MYO5C: variants seen among roughly 807,000 people sequenced by gnomAD.
The protein encoded by MYO5C is unconventional myosin-Vc.
Under a neutral mutation model 235.7 loss-of-function variants are expected in MYO5C, and 194 were observed. The ratio of observed to expected loss-of-function variants is 0.82; its 90% CI spans 0.73 to 0.93. The LOEUF is 0.93. Among genes scored for constraint, MYO5C ranks in the 40% least tolerant of loss-of-function variants. MYO5C has a pLI of 0.00. For synonymous variants in MYO5C, 707 were observed against 754.8 expected, an observed-to-expected ratio of 0.94 and a Z score of 1.04; for missense variants, 2,038 against 2,127.2, an observed-to-expected ratio of 0.96 and a Z score of 0.82.
intron 21 of MYO5C, among the ~76,000 whole-genome samples, chr15:52,237,990 G>A (rs1352548823): frequency 2.6e-5 from 4 of 152,068 alleles, no homozygotes; most frequent in African/African-American, 4.8e-5. Flanking sequence ...TGAAGACAGG[G>A]TCTTTAGAGA....
chr15:52,271,532 T>C (rs2036925841), intron 7 of MYO5C, among the ~76,000 whole-genome samples: 1 of 152,044 alleles, frequency 6.6e-6, no homozygotes, highest in East Asian at 1.9e-4. Context: ...CCAGGCCCAA[T>C]GAGCTTTAAA....
At chr15:52,245,917 C>T (rs1381083624) in intron 17 of MYO5C, 39 bp downstream of exon 17, 44 of 1,560,790 alleles carry the variant, frequency 2.8e-5, no homozygotes, top group Non-Finnish European at 3.7e-5. Flanking sequence ...GCTCTGATGT[C>T]AGGTACTTTT....
At chr15:52,208,520 A>T (rs759296898) in intron 36 of MYO5C, 34 bp downstream of exon 36, 1 of 1,599,476 alleles carries the variant, frequency 6.3e-7, no homozygotes, top group South Asian at 1.1e-5. Context: ...ACTGGCTGTC[A>T]GCACAAAACA....
rs568537062 is a variant in MYO5C at position 52,198,213 on chromosome 15, T to C, written c.4821-1730A>G. 2.0e-5 allele frequency among the ~76,000 whole-genome samples: 3 copies of C among 152,212 alleles called. No homozygotes were observed. In the East Asian group the frequency reaches 5.9e-4, roughly 30 times the overall value. On this transcript the variant is annotated intron_variant, in intron 38 of 40. Coordinates refer to ENST00000261839, the MANE Select transcript of MYO5C (RefSeq NM_018728.4). ...AGCTGGGTATGGTGGCGGACGCCTATAATCCCAGCTACTCGGGAGGCTGAG... is the reference window on the plus strand; with the variant it reads ...AGCTGGGTATGGTGGCGGACGCCTACAATCCCAGCTACTCGGGAGGCTGAG...
chr15:52,215,984 C>T (rs2035542626), intron 32 of MYO5C, among the ~76,000 whole-genome samples: 1 of 152,066 alleles, frequency 6.6e-6, no homozygotes, highest in African/African-American at 2.4e-5. Flanking sequence ...AAGATGATCA[C>T]TCTGAACAAA....
chr15:52,277,879 A>T (rs1322602681), intron 4 of MYO5C: 2 of 455,850 alleles, frequency 4.4e-6, no homozygotes, highest in Admixed American at 2.4e-5. Flanking sequence ...CATTATAAGC[A>T]TCAGAACCAG....
chr15:52,263,201 G>A (rs1199985125), intron 9 of MYO5C, among the ~76,000 whole-genome samples: 1 of 152,140 alleles, frequency 6.6e-6, no homozygotes, highest in East Asian at 1.9e-4. Context: ...GGACAGACAT[G>A]TTATTGTTAA....
chr15:52,199,266 A>G (rs1383823815), intron 38 of MYO5C, among the ~76,000 whole-genome samples: 1 of 152,084 alleles, frequency 6.6e-6, no homozygotes, highest in Non-Finnish European at 1.5e-5. Flanking sequence ...CTATTCAAAT[A>G]CTGCCACAGT....
intron 20 of MYO5C, among the ~76,000 whole-genome samples, chr15:52,240,932 C>T (rs868714759): frequency 6.6e-6 from 1 of 152,218 alleles, no homozygotes; most frequent in Non-Finnish European, 1.5e-5. Context: ...TTCCCATCCA[C>T]TCACAGGATG....
At chr15:52,269,688 G>C in intron 8 of MYO5C, 65 bp downstream of exon 8, 1 of 1,082,656 alleles carries the variant, frequency 9.2e-7, no homozygotes, top group Non-Finnish European at 1.4e-6. Flanking sequence ...ACCACGCCTG[G>C]CCTTAATTTT....
chr15:52,230,969 A>G (rs547902815), intron 24 of MYO5C, among the ~76,000 whole-genome samples: 1 of 151,878 alleles, frequency 6.6e-6, no homozygotes, highest in South Asian at 2.1e-4. Flanking sequence ...CTGGGATTAC[A>G]GGCATCTGCC....
intron 7 of MYO5C, among the ~76,000 whole-genome samples, chr15:52,270,279 C>T (rs1171774261): frequency 1.3e-5 from 2 of 152,032 alleles, no homozygotes; most frequent in Admixed American, 6.6e-5. Flanking sequence ...CTCAAAAAAA[C>T]AAAAACAAAA....
chr15:52,292,313 C>G (rs767651443), intron 1 of MYO5C, among the ~76,000 whole-genome samples: 1 of 152,094 alleles, frequency 6.6e-6, no homozygotes. Context: ...CCACTGTGTG[C>G]GGGGAAAAGG....
At chr15:52,252,268 A>T (rs2036487557) in intron 12 of MYO5C, among the ~76,000 whole-genome samples, 1 of 152,082 alleles carries the variant, frequency 6.6e-6, no homozygotes, top group Non-Finnish European at 1.5e-5. Flanking sequence ...CACGAACATG[A>T]CCTTTATTCA....
At chr15:52,270,304 A>G (rs772109365) in intron 7 of MYO5C, among the ~76,000 whole-genome samples, 14 of 152,108 alleles carry the variant, frequency 9.2e-5, no homozygotes, top group Non-Finnish European at 1.8e-4. Flanking sequence ...AACAAAAAAA[A>G]TCCTACATAA....
Position 52,213,270 on chromosome 15 carries a change from C to T in MYO5C, c.4059G>A (p.Ser1353=), listed in dbSNP as rs75728881. 12,445 of 1,613,594 alleles carry T rather than the reference C, an allele frequency of 7.7e-3. 55 individuals carry two copies. The highest frequency in any genetic ancestry group is 8.6e-3 in the Non-Finnish European group (10,161 of 1,179,598). The change falls in exon 34 of 41, where the codon TCG becomes TCA. Residue 1353 remains serine (S), a synonymous_variant. Coordinates refer to ENST00000261839, the MANE Select transcript of MYO5C (RefSeq NM_018728.4). The part of the protein sequence containing the change: ...KTIGKANDVH[S]SSGPKEYLGM... ...CAAGGTACTCCTTGGGTCCTGAGGA[C>T]GAGTGCACATCATTGGCTGTAGACA... is the stretch of plus-strand genomic sequence containing the variant.
At chr15:52,239,236 C>A (rs546071180) in intron 21 of MYO5C, among the ~76,000 whole-genome samples, 1 of 152,194 alleles carries the variant, frequency 6.6e-6, no homozygotes, top group East Asian at 1.9e-4. Context: ...CAGGTGTCAG[C>A]CACCACGCCC....
At chr15:52,242,675 G>T (rs1300479623) in intron 19 of MYO5C, 2 of 153,250 alleles carry the variant, frequency 1.3e-5, no homozygotes, top group African/African-American at 4.8e-5. Context: ...TACCTTTAGA[G>T]TTTACAACCT....
chr15:52,294,653 G>A (rs1412006521), intron 1 of MYO5C, among the ~76,000 whole-genome samples: 4 of 151,926 alleles, frequency 2.6e-5, no homozygotes, highest in Non-Finnish European at 5.9e-5. Flanking sequence ...TTCCCCAACT[G>A]GTGTATAGGA....
Sources: gnomAD v4.1 joint callset for allele counts (sites outside exome capture counted in the v4.1 genomes callset) on GRCh38, gnomAD v4.1.1 for gene constraint, MANE v1.5 for transcripts, NCBI Gene and HGNC (gene_info 2026-07-23, HGNC 2026-07-21) for gene names.